PMEL: variants seen among roughly 807,000 people sequenced by gnomAD.
PMEL encodes melanocyte protein PMEL.
A neutral mutation model predicts 64.9 loss-of-function variants in PMEL; 53 were observed. The ratio of observed to expected loss-of-function variants is 0.82; its 90% CI spans 0.66 to 1.03. The LOEUF (loss-of-function observed/expected upper bound fraction) is 1.03. Among genes scored for constraint, PMEL ranks in the 50% least tolerant of loss-of-function variants. The pLI is 0.00. For synonymous variants in PMEL, 299 were observed against 316.2 expected, an observed-to-expected ratio of 0.95 and a Z score of 0.58; for missense variants, 716 against 814.9, an observed-to-expected ratio of 0.88 and a Z score of 1.48.
At chr12:55,964,782 T>C (rs1378099626) in intron 1 of PMEL, among the ~76,000 whole-genome samples, 1 of 151,878 alleles carries the variant, frequency 6.6e-6, no homozygotes, top group African/African-American at 2.4e-5. Context: ...CGTACCACCA[T>C]GCCCAGCTAA....
At chr12:55,959,304 G>C (rs1169298047) in intron 3 of PMEL, among the ~76,000 whole-genome samples, 1 of 151,770 alleles carries the variant, frequency 6.6e-6, no homozygotes, top group Non-Finnish European at 1.5e-5. Flanking sequence ...AGGATCACTT[G>C]AGCCCAGGAG....
Position 55,958,457 on chromosome 12 carries a change from G to GA in PMEL, c.469+15dup. On this transcript the variant is annotated intron_variant, in intron 4 of 10. Coordinates refer to ENST00000548747, the MANE Select transcript of PMEL (RefSeq NM_001384361.1). Reference sequence around the variant, plus strand: ...AACACAAGTGTGGATGATAGGCTGAGAAGGGAGTCCCTCACCCCAGGTCTT... The same window carrying GA: ...AACACAAGTGTGGATGATAGGCTGAGAAAGGGAGTCCCTCACCCCAGGTCTT... The GA allele has an allele frequency of 6.2e-7, 1 of 1,612,556 alleles. No individual in the cohort carries two copies.
upstream of PMEL, chr12:55,966,301 A>G (rs1285383429): frequency 4.3e-6 from 2 of 465,906 alleles, no homozygotes; most frequent in Non-Finnish European, 7.7e-6. Flanking sequence ...ACCAGACACA[A>G]CAGTTTATCA....
Position 55,957,168 on chromosome 12 carries a change from C to T in PMEL, c.1135G>A (p.Val379Met). 1 of 1,614,200 alleles carries T rather than the reference C, an allele frequency of 6.2e-7. No individual in the cohort carries two copies. The highest frequency in any genetic ancestry group is 1.1e-5 in the South Asian group (1 of 91,084). Residue 379 changes from valine (V) to methionine (M), a missense_variant, in exon 6 of 11, where the codon GTG becomes ATG. Val to Met is a conservative substitution (Grantham distance 21). Transcript: ENST00000548747. ...AESTGMTPEK[V>M]PVSEVMGTTL... ...GTACCCATGACCTCTGAAACTGGCA[C>T]CTTCTCAGGTGTCATACCTGTGCTC...
chr12:55,955,531 G>A lies in PMEL; in HGVS notation c.1695C>T (p.Tyr565=), dbSNP rs781033386. Residue 565 remains tyrosine (Y), a synonymous_variant, in exon 9 of 11, where the codon TAC becomes TAT. Transcript: ENST00000548747. Reference sequence around the variant, plus strand: ...TATCAGCCAGAGACACATTGAGGCAGTATGTCCCCGAGCCACCCTTCAGTA... The same window carrying A: ...TATCAGCCAGAGACACATTGAGGCAATATGTCCCCGAGCCACCCTTCAGTA... ...HQILKGGSGT[Y]CLNVSLADTN... 6.2e-7 allele frequency: 1 copy of A among 1,614,170 alleles called. No individual in the cohort carries two copies. Among genetic ancestry groups the A allele is most frequent in the East Asian group, 2.2e-5 (1 of 44,882 alleles).
chr12:55,960,179 C>G (rs887160989), intron 3 of PMEL, among the ~76,000 whole-genome samples: 2 of 145,930 alleles, frequency 1.4e-5, no homozygotes, highest in African/African-American at 2.6e-5. Flanking sequence ...CCACTGCACT[C>G]CAGCCTGAGC....
Position 55,954,361 on chromosome 12 carries a change from A to G in PMEL, c.1851-12T>C. On this transcript the variant is annotated splice_polypyrimidine_tract_variant and intron_variant, in intron 10 of 10. Transcript: ENST00000548747. ...TCATAAGTCTGCGCCTGATATTGGGAGAAGGGGTAAACTGGTTAGCAATGG... is the reference window on the plus strand; with the variant it reads ...TCATAAGTCTGCGCCTGATATTGGGGGAAGGGGTAAACTGGTTAGCAATGG... 1 of 1,613,968 alleles carries G rather than the reference A, an allele frequency of 6.2e-7. No homozygotes were observed. The highest frequency in any genetic ancestry group is 8.5e-7 in the Non-Finnish European group (1 of 1,179,910).
chr12:55,960,210 C>CAAAAAAAAAAAAAA (rs56810428), intron 3 of PMEL, among the ~76,000 whole-genome samples: 2 of 56,178 alleles, frequency 3.6e-5, no homozygotes, highest in African/African-American at 1.5e-4. Flanking sequence ...GACTCTGTCT[C>CAAAAAAAAAAAAAA]AAAAAAAAAA....
chr12:55,955,605 A>G lies in PMEL; in HGVS notation c.1621T>C (p.Cys541Arg), dbSNP rs776883869. The change falls in exon 9 of 11, where the codon TGC becomes CGC. Residue 541 changes from cysteine (C) to arginine (R), a missense_variant. By Grantham distance (180) the Cys-to-Arg change is radical (BLOSUM62 -3). Transcript: ENST00000548747. ...PGCQPPAQRL[C>R]QPVLPSPACQ... ...GCTGGGCTGGGTAGCACAGGCTGGC[A>G]CAGCCGCTGGGCAGGGGGCTGGCAC... 5.0e-6 allele frequency: 8 copies of G among 1,613,776 alleles called. No individual in the cohort carries two copies. The highest frequency in any genetic ancestry group is 6.8e-6 in the Non-Finnish European group (8 of 1,180,016).
At chr12:55,966,278 C>T (rs1241693594), upstream of PMEL, 16 of 544,142 alleles carry the variant, frequency 2.9e-5, no homozygotes, top group Admixed American at 3.2e-5. Context: ...TGAAAGGCAG[C>T]TGCGTAACAC....
At chr12:55,960,535 C>CTTTTTTTTT (rs1889060584) in intron 3 of PMEL, among the ~76,000 whole-genome samples, 7 of 122,924 alleles carry the variant, frequency 5.7e-5, no homozygotes, top group African/African-American at 2.1e-4. Flanking sequence ...TTTTTGCTTT[C>CTTTTTTTTT]TGTTTTTTTT....
rs1565772981 is a variant in PMEL, at chr12:55,955,760, A to C, written c.1556+19T>G. ...AACAGTCAACCAAAGAGTTACCAGCACACTAGTGAGACACTCACCCGCCTT... is the reference window on the plus strand; with the variant it reads ...AACAGTCAACCAAAGAGTTACCAGCCCACTAGTGAGACACTCACCCGCCTT... On this transcript the variant is annotated intron_variant, in intron 8 of 10. Transcript: ENST00000548747. 1 of 1,610,938 alleles carries C rather than the reference A, an allele frequency of 6.2e-7. No individual in the cohort carries two copies. The highest frequency in any genetic ancestry group is 8.5e-7 in the Non-Finnish European group (1 of 1,177,224).
intron 3 of PMEL, among the ~76,000 whole-genome samples, chr12:55,960,955 G>A (rs996973980): frequency 5.3e-5 from 8 of 151,062 alleles, no homozygotes; most frequent in Admixed American, 5.3e-4. Flanking sequence ...TGTAATCCCA[G>A]AACTTTGGGA....
In PMEL at chr12:55,955,776, C is replaced by T; in HGVS notation, c.1556+3G>A. 6.2e-7 allele frequency: 1 copy of T among 1,613,410 alleles called. No homozygotes were observed. The highest frequency in any genetic ancestry group is 8.5e-7 in the Non-Finnish European group (1 of 1,179,328). On this transcript the variant is annotated splice_donor_region_variant and intron_variant, in intron 8 of 10. Coordinates refer to ENST00000548747, the MANE Select transcript of PMEL (RefSeq NM_001384361.1). ...GTTACCAGCACACTAGTGAGACACT[C>T]ACCCGCCTTGGCAGGACACAGTCAG... is the stretch of plus-strand genomic sequence containing the variant.
intron 1 of PMEL, 107 bp downstream of exon 1, chr12:55,965,829 A>C: frequency 7.4e-7 from 1 of 1,344,774 alleles, no homozygotes; most frequent in South Asian, 1.2e-5. Flanking sequence ...AATGAGTGGG[A>C]GACGCCTGAA....
At chr12:55,962,880 T>G (rs1889159455) in intron 1 of PMEL, among the ~76,000 whole-genome samples, 2 of 151,712 alleles carry the variant, frequency 1.3e-5, no homozygotes, top group South Asian at 4.2e-4. Flanking sequence ...AATTTACTTT[T>G]AGCCAGGCAT....
intron 4 of PMEL, 144 bp from the exon 5 acceptor site, chr12:55,958,228 G>A (rs1033874159): frequency 9.0e-6 from 8 of 890,102 alleles, no homozygotes; most frequent in Non-Finnish European, 1.4e-5. Flanking sequence ...GATATGGGGG[G>A]ACAGGGAAGG....
intron 3 of PMEL, among the ~76,000 whole-genome samples, chr12:55,960,940 A>G (rs1889078566): frequency 1.3e-5 from 2 of 150,294 alleles, no homozygotes; most frequent in South Asian, 4.2e-4. Context: ...GCGATGGCTC[A>G]CGCCTGTAAT....
intron 6 of PMEL, chr12:55,956,549 T>A (rs1448290964): frequency 3.2e-6 from 1 of 316,974 alleles, no homozygotes; most frequent in Non-Finnish European, 5.9e-6. Flanking sequence ...CATTCCTCCC[T>A]TTTTGCTTTG....
Sources: allele counts gnomAD v4.1 joint callset (sites outside exome capture counted in the v4.1 genomes callset), GRCh38; gene constraint gnomAD v4.1.1; transcripts MANE v1.5; gene names NCBI Gene and HGNC (gene_info 2026-07-23, HGNC 2026-07-21).